NUDCD3: variants seen among roughly 807,000 people sequenced by gnomAD.
The protein encoded by NUDCD3 is NudC domain containing 3.
In NUDCD3, 13 loss-of-function variants were observed where a neutral mutation model predicts 39.7. The observed-to-expected ratio is 0.33, with a 90% CI of 0.21 to 0.52. The LOEUF (loss-of-function observed/expected upper bound fraction) is 0.52. Ranked by LOEUF, NUDCD3 falls within the 20% of genes least tolerant of loss-of-function variation. NUDCD3 has a pLI of 0.96. For missense variants in NUDCD3, 453 were observed against 458.1 expected (o/e 0.99, Z 0.10); for synonymous variants, 175 against 172.4 (o/e 1.02, Z -0.12).
At chr7:44,418,109 G>A (rs1799061462) in intron 3 of NUDCD3, among the ~76,000 whole-genome samples, 1 of 152,170 alleles carries the variant, frequency 6.6e-6, no homozygotes, top group East Asian at 1.9e-4. Context: ...GGAGAATGAA[G>A]GAGAGACTGC....
At chr7:44,422,691 G>A (rs1427434847) in intron 3 of NUDCD3, among the ~76,000 whole-genome samples, 2 of 152,118 alleles carry the variant, frequency 1.3e-5, no homozygotes, top group South Asian at 2.1e-4. Flanking sequence ...ATTCACAGCC[G>A]AATTCTACCA....
At chr7:44,432,670 C>G (rs777390252) in intron 2 of NUDCD3, among the ~76,000 whole-genome samples, 3 of 152,216 alleles carry the variant, frequency 2.0e-5, no homozygotes, top group Non-Finnish European at 1.5e-5. Context: ...TCTTTCATGT[C>G]TCTTGCAATC....
intron 2 of NUDCD3, among the ~76,000 whole-genome samples, chr7:44,467,035 G>A (rs1800131546): frequency 6.6e-6 from 1 of 152,130 alleles, no homozygotes; most frequent in Admixed American, 6.5e-5. Context: ...GGCACTGACT[G>A]GTTTCTTTCC....
intron 2 of NUDCD3, chr7:44,468,386 G>A (rs1800177557): frequency 2.7e-6 from 3 of 1,122,568 alleles, no homozygotes; most frequent in Non-Finnish European, 3.8e-6. Flanking sequence ...GAAAACTAAG[G>A]CCCAGGGAGA....
chr7:44,454,069 G>A (rs1799844709), intron 2 of NUDCD3, among the ~76,000 whole-genome samples: 1 of 152,218 alleles, frequency 6.6e-6, no homozygotes, highest in East Asian at 1.9e-4. Context: ...GCCGGGCATG[G>A]TGGCTCACGC....
At position 44,404,552 on chromosome 7, in the gene NUDCD3, C is replaced by G; in HGVS notation, c.674G>C (p.Arg225Pro). ...VSVALSSSSI[R>P]VAMLEENGER... ...CCCATTTTCCTCCAGCATGGCCACA[C>G]GAATGGAGCTGCTGCTAAGGGCCAC... The change falls in exon 4 of 6, where the codon CGT (arginine) becomes CCT (proline). Residue 225 changes from arginine (R) to proline (P), a missense_variant. Arg to Pro is a moderately radical substitution (Grantham distance 103, BLOSUM62 -2). Transcript: ENST00000355451. 1 of 1,613,974 alleles carries G rather than the reference C, an allele frequency of 6.2e-7. No individual in the cohort carries two copies. The highest frequency in any genetic ancestry group is 8.5e-7 in the Non-Finnish European group (1 of 1,179,996).
At chr7:44,489,656 A>C (rs1800690920) in intron 1 of NUDCD3, among the ~76,000 whole-genome samples, 1 of 152,176 alleles carries the variant, frequency 6.6e-6, no homozygotes, top group African/African-American at 2.4e-5. Flanking sequence ...TCCTTTCTTT[A>C]CAATGGGCTC....
chr7:44,413,948 AG>A (rs541647534), intron 3 of NUDCD3, among the ~76,000 whole-genome samples: 67 of 152,206 alleles, frequency 4.4e-4, no homozygotes, highest in African/African-American at 1.5e-3. Flanking sequence ...CCAGCTGCTC[AG>A]GAGACTGAGA....
At chr7:44,449,034 C>T (rs1402013348) in intron 2 of NUDCD3, among the ~76,000 whole-genome samples, 3 of 152,168 alleles carry the variant, frequency 2.0e-5, no homozygotes, top group African/African-American at 4.8e-5. Flanking sequence ...GGACCAAACA[C>T]AGGGAGTGGT....
rs114569004 is a variant in NUDCD3, at chr7:44,480,712, C to T, written c.509+4256G>A. Among the ~76,000 whole-genome samples the T allele has an allele frequency of 3.4e-3, 510 of 152,094 alleles. 4 individuals carry two copies. The highest frequency in any genetic ancestry group is 0.011 in the African/African-American group (471 of 41,470). ...ATCCCAGCACTTTACGAGGCTGAGG[C>T]GAGTGGATCACTTGAGCTCACCAGT... On this transcript the variant is annotated intron_variant, in intron 2 of 5. Transcript: ENST00000355451.
chr7:44,424,762 A>T (rs1415899498), intron 3 of NUDCD3, among the ~76,000 whole-genome samples: 1 of 152,200 alleles, frequency 6.6e-6, no homozygotes, highest in Non-Finnish European at 1.5e-5. Context: ...CAGAAATACC[A>T]TTTGACCCAA....
rs1331305403 is a variant in NUDCD3, at chr7:44,385,240, T to C, written c.*771A>G. 2 of 152,218 alleles carry C rather than the reference T, an allele frequency of 1.3e-5. No homozygotes were observed. The highest frequency in any genetic ancestry group is 2.9e-5 in the Non-Finnish European group (2 of 68,070). The allele number at this position is 152,218 out of a possible 1,614,324, so 9.4% of individuals were successfully genotyped here. A position where few individuals can be genotyped will look rare whatever the true frequency, so the allele number is the denominator to read the frequency against. On this transcript the variant is annotated 3_prime_UTR_variant, in exon 6 of 6. Coordinates refer to ENST00000355451, the MANE Select transcript of NUDCD3 (RefSeq NM_015332.4). ...CCGTGCACCCAAAGAGGACGTCTTA[T>C]GGGGAGCCAAGCACAGCATGCCATG...
At chr7:44,485,390 A>C (rs1800585700) in intron 1 of NUDCD3, 106 bp from the exon 2 acceptor site, 2 of 1,021,282 alleles carry the variant, frequency 2.0e-6, no homozygotes, top group Admixed American at 5.5e-5. Flanking sequence ...AAAAGTCAGA[A>C]ACTGACAAGT....
At position 44,383,583 on chromosome 7, in the gene NUDCD3, C is replaced by T. The variant is rs1446081447; in HGVS notation, c.*2428G>A. ...CTCAGCAGCAAATGTCACACGCAGA[C>T]CCAGAACTGCTTAAATACCAATTTA... On this transcript the variant is annotated 3_prime_UTR_variant, in exon 6 of 6. Transcript: ENST00000355451. The T allele has an allele frequency of 6.6e-6, 1 of 152,210 alleles. No homozygotes were observed. Among genetic ancestry groups the T allele is most frequent in the Non-Finnish European group, 1.5e-5 (1 of 68,066 alleles). 9.4% of individuals were successfully genotyped at this position (152,210 alleles called of 1,614,324 possible). A position where few individuals can be genotyped will look rare whatever the true frequency, so the allele number is the denominator to read the frequency against.
chr7:44,408,697 G>A (rs1266257808), intron 3 of NUDCD3, among the ~76,000 whole-genome samples: 2 of 152,170 alleles, frequency 1.3e-5, no homozygotes, highest in Admixed American at 6.5e-5. Flanking sequence ...CAGGAACCCA[G>A]GGAGCATTAA....
At chr7:44,386,473 CACTG>C (rs2116853873) in intron 5 of NUDCD3, among the ~76,000 whole-genome samples, 1 of 152,306 alleles carries the variant, frequency 6.6e-6, no homozygotes, top group East Asian at 1.9e-4. Context: ...TCCCACCAGG[CACTG>C]ACTAAGGCAT....
At chr7:44,386,345 G>A (rs1798403184) in intron 5 of NUDCD3, among the ~76,000 whole-genome samples, 1 of 152,176 alleles carries the variant, frequency 6.6e-6, no homozygotes, top group African/African-American at 2.4e-5. Context: ...TCCACAGACT[G>A]AATTTCTAAC....
At chr7:44,453,068 G>A (rs1426231210) in intron 2 of NUDCD3, among the ~76,000 whole-genome samples, 1 of 152,140 alleles carries the variant, frequency 6.6e-6, no homozygotes. Context: ...AATAAACAAT[G>A]TTGGCCGGGT....
chr7:44,423,240 G>A (rs2116896155), intron 3 of NUDCD3, among the ~76,000 whole-genome samples: 1 of 152,304 alleles, frequency 6.6e-6, no homozygotes, highest in South Asian at 2.1e-4. Context: ...ACAAGACAAG[G>A]ATGCCCTCTC....
Sources: allele counts gnomAD v4.1 joint callset (sites outside exome capture counted in the v4.1 genomes callset), GRCh38; gene constraint gnomAD v4.1.1; transcripts MANE v1.5; gene names NCBI Gene and HGNC (gene_info 2026-07-23, HGNC 2026-07-21).